Variants in FOXN3 observed in about 807,000 individuals in gnomAD.
The protein encoded by FOXN3 is forkhead box protein N3.
Under a neutral mutation model 38.4 loss-of-function variants are expected in FOXN3, and 7 were observed. That is an observed-to-expected ratio of 0.18 (90% CI 0.10 to 0.34). FOXN3 has a LOEUF of 0.34. Ranked by LOEUF, FOXN3 falls within the 10% of genes least tolerant of loss-of-function variation. The pLI, the probability that FOXN3 is intolerant of heterozygous loss-of-function variation, is 1.00. For synonymous variants in FOXN3, 230 were observed against 242.2 expected, an observed-to-expected ratio of 0.95 and a Z score of 0.47; for missense variants, 456 against 613.4, an observed-to-expected ratio of 0.74 and a Z score of 2.71.
At chr14:89,202,515 C>A (rs1285248924) in intron 4 of FOXN3, among the ~76,000 whole-genome samples, 1 of 152,224 alleles carries the variant, frequency 6.6e-6, no homozygotes, top group East Asian at 1.9e-4. Context: ...TTAATGTGCT[C>A]GACCTCTCTA....
chr14:89,507,454 A>C (rs1460058567), intron 1 of FOXN3, among the ~76,000 whole-genome samples: 1 of 152,230 alleles, frequency 6.6e-6, no homozygotes, highest in Non-Finnish European at 1.5e-5. Flanking sequence ...GTGTTCAATA[A>C]TCACTCCACC....
At chr14:89,423,432 T>A (rs1057333111) in intron 1 of FOXN3, among the ~76,000 whole-genome samples, 5 of 152,144 alleles carry the variant, frequency 3.3e-5, no homozygotes, top group Non-Finnish European at 5.9e-5. Flanking sequence ...AAAATGAAAA[T>A]CTTGACATAT....
chr14:89,292,357 C>CA (rs1459757277), intron 3 of FOXN3, among the ~76,000 whole-genome samples: 2 of 152,204 alleles, frequency 1.3e-5, no homozygotes, highest in African/African-American at 4.8e-5. Context: ...CTGGCACCGA[C>CA]AGCGCAGCTT....
chr14:89,524,453 A>AAAGAAAG (rs1416018742), intron 1 of FOXN3, among the ~76,000 whole-genome samples: 1 of 149,666 alleles, frequency 6.7e-6, no homozygotes, highest in Non-Finnish European at 1.5e-5. Flanking sequence ...AAAGCAGGCA[A>AAAGAAAG]AAGAAAGTAA....
At chr14:89,245,679 A>C (rs558148482) in intron 4 of FOXN3, among the ~76,000 whole-genome samples, 1 of 152,354 alleles carries the variant, frequency 6.6e-6, no homozygotes, top group South Asian at 2.1e-4. Context: ...AGAAAGAAGA[A>C]ATTTTCAGAT....
intron 2 of FOXN3, among the ~76,000 whole-genome samples, chr14:89,398,572 T>A (rs1055694595): frequency 3.9e-5 from 6 of 152,158 alleles, no homozygotes; most frequent in African/African-American, 1.4e-4. Context: ...AAACGGAGGT[T>A]CAAGATAGTC....
intron 1 of FOXN3, among the ~76,000 whole-genome samples, chr14:89,478,931 C>CAAAAAAAAAAAAAAAAAA (rs59945805): frequency 3.7e-5 from 2 of 54,202 alleles, no homozygotes; most frequent in African/African-American, 1.2e-4. Flanking sequence ...GACTCCATCT[C>CAAAAAAAAAAAAAAAAAA]AAAAAAAAAA....
chr14:89,439,308 A>G (rs1892331062), intron 1 of FOXN3, among the ~76,000 whole-genome samples: 1 of 152,216 alleles, frequency 6.6e-6, no homozygotes, highest in Non-Finnish European at 1.5e-5. Flanking sequence ...GCATTCCCAG[A>G]TAGTTAAGGC....
chr14:89,606,848 CA>C (rs963062061), intron 1 of FOXN3, among the ~76,000 whole-genome samples: 313 of 145,426 alleles, frequency 2.2e-3, no homozygotes, highest in African/African-American at 7.5e-3. Flanking sequence ...GACTCTGTCT[CA>C]AAAAAAAAAT....
At chr14:89,169,834 A>G (rs1475196655) in intron 5 of FOXN3, among the ~76,000 whole-genome samples, 1 of 152,176 alleles carries the variant, frequency 6.6e-6, no homozygotes, top group East Asian at 1.9e-4. Context: ...GAAACAAAAA[A>G]GAATCTGAAA....
At chr14:89,323,512 A>C (rs937194677) in intron 3 of FOXN3, among the ~76,000 whole-genome samples, 1 of 151,908 alleles carries the variant, frequency 6.6e-6, no homozygotes, top group African/African-American at 2.4e-5. Flanking sequence ...CGAGGTCAGG[A>C]GTTTGAGACC....
intron 1 of FOXN3, among the ~76,000 whole-genome samples, chr14:89,558,077 CAAAACTACTTTAAAATTTT>C (rs1487158322): frequency 6.6e-6 from 1 of 152,092 alleles, no homozygotes; most frequent in Admixed American, 6.6e-5. Flanking sequence ...CAAATACAGA[CAAAACTACTTTAAAATTTT>C]AAAATTACTT....
At chr14:89,512,762 T>A (rs1266846131) in intron 1 of FOXN3, among the ~76,000 whole-genome samples, 1 of 152,230 alleles carries the variant, frequency 6.6e-6, no homozygotes, top group Non-Finnish European at 1.5e-5. Context: ...TGGAATGTTC[T>A]GATCCCCATT....
intron 1 of FOXN3, among the ~76,000 whole-genome samples, chr14:89,431,998 A>G (rs950051597): frequency 6.6e-6 from 1 of 152,218 alleles, no homozygotes; most frequent in Non-Finnish European, 1.5e-5. Context: ...TACAGGCGTG[A>G]GCCACCACGC....
At chr14:89,538,182 G>A (rs1361543254) in intron 1 of FOXN3, among the ~76,000 whole-genome samples, 3 of 152,212 alleles carry the variant, frequency 2.0e-5, no homozygotes, top group East Asian at 1.9e-4. Context: ...TCCACGTAAT[G>A]TATTTGTTCT....
intron 1 of FOXN3, among the ~76,000 whole-genome samples, chr14:89,614,311 C>G (rs535119817): frequency 4.6e-5 from 7 of 152,292 alleles, no homozygotes; most frequent in Non-Finnish European, 8.8e-5. Flanking sequence ...CAACTAATCT[C>G]AAACACCTCC....
chr14:89,356,653 T>G (rs1352676962), intron 2 of FOXN3: 4 of 152,164 alleles, frequency 2.6e-5, no homozygotes, highest in Non-Finnish European at 5.9e-5. Flanking sequence ...GGAGGGTGCT[T>G]CTAACACTAC....
Position 89,350,580 on chromosome 14 carries a change from C to A in FOXN3, c.680+92G>T, listed in dbSNP as rs1272522077. ...ATTTACCTGCAGTTATTTTTAAAAT[C>A]TCGTACGGCCTATTAAATTAATTTC... On this transcript the variant is annotated intron_variant, in intron 3 of 5. Transcript: ENST00000557258. 4.5e-6 allele frequency: 5 copies of A among 1,118,948 alleles called. No individual in the cohort carries two copies. The African/African-American group carries it at 6.5e-5, about 15-fold the overall frequency. 69.3% of individuals were successfully genotyped at this position (1,118,948 alleles called of 1,614,324 possible). A position where few individuals can be genotyped will look rare whatever the true frequency, so the allele number is the denominator to read the frequency against.
chr14:89,201,649 G>A (rs1275011616), intron 4 of FOXN3, among the ~76,000 whole-genome samples: 1 of 152,200 alleles, frequency 6.6e-6, no homozygotes, highest in Admixed American at 6.5e-5. Context: ...TCAGAGTATA[G>A]GGGCCTGGGC....
Sources: allele counts gnomAD v4.1 joint callset (sites outside exome capture counted in the v4.1 genomes callset), GRCh38; gene constraint gnomAD v4.1.1; transcripts MANE v1.5; gene names NCBI Gene and HGNC (gene_info 2026-07-23, HGNC 2026-07-21).